The following JAK1 variants were observed in gnomAD, a reference collection of about 807,000 sequenced individuals.
JAK1 encodes the protein Janus kinase 1, also known as tyrosine-protein kinase JAK1.
In JAK1, 16 loss-of-function variants were observed where a neutral mutation model predicts 136.6. The ratio of observed to expected loss-of-function variants is 0.12; its 90% CI spans 0.08 to 0.18. JAK1 has a LOEUF of 0.18. Among genes scored for constraint, JAK1 ranks in the 10% least tolerant of loss-of-function variants. The pLI is 1.00. For synonymous variants in JAK1, 492 were observed against 519.5 expected (o/e 0.95, Z 0.72); for missense variants, 859 against 1,450.1 (o/e 0.59, Z 6.62).
chr1:65,026,497 G>A (rs903663058), intron 2 of JAK1, among the ~76,000 whole-genome samples: 1 of 152,110 alleles, frequency 6.6e-6, no homozygotes, highest in African/African-American at 2.4e-5. Flanking sequence ...TGCCCCCCTG[G>A]ATTCTAGTTT....
At position 64,988,719 on chromosome 1, in the gene JAK1, T is replaced by TAAAAAATA. The variant is rs1330859855; in HGVS notation, c.-78+55753_-78+55760dup. 1.9e-4 allele frequency among the ~76,000 whole-genome samples: 29 copies of TAAAAAATA among 149,940 alleles called. 1 individual carries two copies. The highest frequency in any genetic ancestry group is 1.5e-3 in the Admixed American group (22 of 14,970). On this transcript the variant is annotated intron_variant, in intron 2 of 25. Transcript: ENST00000671954. ...GAAACACAGTGAGACCCTGCCTCTATAAAAAATAAAAAAATAAAAATCAGC... is the reference window on the plus strand; with the variant it reads ...GAAACACAGTGAGACCCTGCCTCTATAAAAAATAAAAAAATAAAAAAATAAAAATCAGC...
At chr1:65,036,016 C>A (rs989771086) in intron 2 of JAK1, among the ~76,000 whole-genome samples, 5 of 151,940 alleles carry the variant, frequency 3.3e-5, no homozygotes, top group Admixed American at 6.6e-5. Flanking sequence ...TGCAGTGAGC[C>A]GAGATTGTGC....
intron 1 of JAK1, among the ~76,000 whole-genome samples, chr1:64,958,688 T>G (rs572270587): frequency 6.6e-6 from 1 of 152,354 alleles, no homozygotes; most frequent in East Asian, 1.9e-4. Flanking sequence ...TTCTGTTATC[T>G]TTTCTCTTAG....
chr1:64,981,164 G>A (rs966166480), intron 2 of JAK1, among the ~76,000 whole-genome samples: 3 of 152,190 alleles, frequency 2.0e-5, no homozygotes. Flanking sequence ...AACTCTAAGA[G>A]AAACCCACAG....
At chr1:64,877,936 A>G (rs1052046205) in intron 4 of JAK1, among the ~76,000 whole-genome samples, 9 of 152,198 alleles carry the variant, frequency 5.9e-5, no homozygotes, top group African/African-American at 2.2e-4. Context: ...AGAAGAGGAA[A>G]AAGTCAGCCC....
At chr1:65,052,223 A>G (rs1647310599) in intron 1 of JAK1, among the ~76,000 whole-genome samples, 1 of 147,364 alleles carries the variant, frequency 6.8e-6, no homozygotes, top group South Asian at 2.2e-4. Flanking sequence ...GATGTGAGCC[A>G]CCACACCCAG....
chr1:65,013,009 T>C (rs1646862310), intron 2 of JAK1, among the ~76,000 whole-genome samples: 1 of 144,456 alleles, frequency 6.9e-6, no homozygotes, highest in Non-Finnish European at 1.5e-5. Context: ...GGCAGGAGAA[T>C]GGCGTGAACC....
intron 2 of JAK1, among the ~76,000 whole-genome samples, chr1:64,999,391 ATCCT>A (rs1291612557): frequency 6.6e-6 from 1 of 152,046 alleles, no homozygotes; most frequent in African/African-American, 2.4e-5. Flanking sequence ...TGCCTTTCTC[ATCCT>A]TCCTCAGTAC....
rs141591525 is a variant in JAK1 at position 64,922,020 on chromosome 1, C to A, written c.-77-35679G>T. Among the ~76,000 whole-genome samples the A allele has an allele frequency of 9.2e-5, 14 of 151,930 alleles. No homozygotes were observed. The East Asian group carries it at 2.3e-3, about 25-fold the overall frequency. On this transcript the variant is annotated intron_variant, in intron 1 of 24. Transcript: ENST00000342505. ...CGGCATAGGGACTTCAATCTTCTCCCGACAGATGGACATTTAGACATTCCA... is the reference window on the plus strand; with the variant it reads ...CGGCATAGGGACTTCAATCTTCTCCAGACAGATGGACATTTAGACATTCCA...
At chr1:64,989,446 C>T (rs1646634564) in intron 2 of JAK1, 1 of 152,056 alleles carries the variant, frequency 6.6e-6, no homozygotes, top group Non-Finnish European at 1.5e-5. Flanking sequence ...TTGCAATGGT[C>T]CTGAAGACAG....
At chr1:64,982,094 A>G (rs1237577128) in intron 2 of JAK1, among the ~76,000 whole-genome samples, 1 of 150,030 alleles carries the variant, frequency 6.7e-6, no homozygotes, top group Non-Finnish European at 1.5e-5. Flanking sequence ...ACACACACAC[A>G]CACACACGCA....
chr1:64,933,074 C>T (rs1221504744), intron 1 of JAK1, among the ~76,000 whole-genome samples: 1 of 152,078 alleles, frequency 6.6e-6, no homozygotes, highest in Non-Finnish European at 1.5e-5. Context: ...TTAAACACTA[C>T]ACCAGTGGTA....
In JAK1 at chr1:64,999,762, G is replaced by C. The variant is rs373641621; in HGVS notation, c.-78+44718C>G. Among the ~76,000 whole-genome samples, 115 of 151,058 alleles carry C rather than the reference G, an allele frequency of 7.6e-4. No homozygotes were observed. The Middle Eastern group carries it at 0.017, about 23-fold the overall frequency. ...AAAAAAAAAAAAAAAAAAGTCTACT[G>C]GTTCTTCAGGATCCTCCCCAAACTG... On this transcript the variant is annotated intron_variant, in intron 2 of 25. Transcript: ENST00000671954.
At chr1:64,894,188 T>G (rs1207459189) in intron 1 of JAK1, among the ~76,000 whole-genome samples, 1 of 152,204 alleles carries the variant, frequency 6.6e-6, no homozygotes, top group African/African-American at 2.4e-5. Context: ...CTCCCAACTC[T>G]GCTGCTTCCA....
intron 8 of JAK1, among the ~76,000 whole-genome samples, chr1:64,863,153 G>A (rs1656461364): frequency 6.6e-6 from 1 of 150,838 alleles, no homozygotes; most frequent in Non-Finnish European, 1.5e-5. Flanking sequence ...ATAACACGGG[G>A]CCTAATATCC....
At chr1:65,025,434 T>TA in intron 2 of JAK1, among the ~76,000 whole-genome samples, 1 of 152,240 alleles carries the variant, frequency 6.6e-6, no homozygotes, top group South Asian at 2.1e-4. Context: ...ACGGCCTCAC[T>TA]AAAAATCAAC....
chr1:64,936,845 A>G (rs922689318), intron 1 of JAK1, among the ~76,000 whole-genome samples: 5 of 152,108 alleles, frequency 3.3e-5, no homozygotes, highest in South Asian at 2.1e-4. Flanking sequence ...AGAATTTCCA[A>G]TGTGACAGCA....
intron 2 of JAK1, among the ~76,000 whole-genome samples, chr1:65,029,764 C>T (rs930510715): frequency 3.3e-5 from 5 of 152,070 alleles, no homozygotes; most frequent in East Asian, 1.9e-4. Context: ...ATGATGAGAA[C>T]GCATGGACAC....
chr1:64,856,293 T>C (rs907094783), intron 10 of JAK1, among the ~76,000 whole-genome samples: 1 of 152,138 alleles, frequency 6.6e-6, no homozygotes, highest in African/African-American at 2.4e-5. Context: ...AACTAAACTA[T>C]TTTAGTGGTA....
Sources: allele counts gnomAD v4.1 joint callset (sites outside exome capture counted in the v4.1 genomes callset), GRCh38; gene constraint gnomAD v4.1.1; transcripts MANE v1.5; gene names NCBI Gene and HGNC (gene_info 2026-07-23, HGNC 2026-07-21).